Variants in AFF3 observed in about 807,000 individuals in gnomAD.
AFF3 encodes AF4/FMR2 family member 3.
A neutral mutation model predicts 129.7 loss-of-function variants in AFF3; 32 were observed. That is an observed-to-expected ratio of 0.25 (90% CI 0.19 to 0.33). AFF3 has a LOEUF of 0.33. AFF3 is among the 10% of genes least tolerant of loss of function. The pLI is 1.00. For synonymous variants in AFF3, 644 were observed against 635.4 expected (o/e 1.01, Z -0.20); for missense variants, 1,373 against 1,592.0 (o/e 0.86, Z 2.34).
intron 10 of AFF3, among the ~76,000 whole-genome samples, chr2:99,741,007 G>T (rs1007453873): frequency 2.6e-5 from 4 of 152,270 alleles, no homozygotes; most frequent in African/African-American, 9.6e-5. Context: ...TCCAGTTTCA[G>T]CTTTCTACAT....
intron 11 of AFF3, among the ~76,000 whole-genome samples, chr2:99,689,171 T>C (rs1355083112): frequency 6.6e-6 from 1 of 152,174 alleles, no homozygotes; most frequent in African/African-American, 2.4e-5. Context: ...ACTCCTCTCT[T>C]CAGTCCCTTC....
chr2:99,930,732 TA>T (rs1696611640), intron 7 of AFF3, among the ~76,000 whole-genome samples: 1 of 152,214 alleles, frequency 6.6e-6, no homozygotes, highest in Non-Finnish European at 1.5e-5. Flanking sequence ...GGGGCTTTTA[TA>T]TTTCTTTAAA....
Position 99,593,190 on chromosome 2 carries a change from C to A in AFF3, c.2466+5G>T. ...CCCCCGCACCCCAGTCAGCCCCAGG[C>A]CTACCTTGCGTTTCCTCTTGGATTT... On this transcript the variant is annotated splice_donor_5th_base_variant and intron_variant, in intron 15 of 24. Coordinates refer to ENST00000672756, the MANE Select transcript of AFF3 (RefSeq NM_001386135.1). The A allele has an allele frequency of 1.9e-6, 3 of 1,567,038 alleles. No homozygotes were observed. Among genetic ancestry groups the A allele is most frequent in the Non-Finnish European group, 2.6e-6 (3 of 1,154,414 alleles).
intron 8 of AFF3, among the ~76,000 whole-genome samples, chr2:99,766,985 T>A (rs1422061902): frequency 1.3e-5 from 2 of 152,206 alleles, no homozygotes; most frequent in Non-Finnish European, 2.9e-5. Context: ...AATGTTTTTA[T>A]CCCTTGATGT....
At chr2:99,936,998 T>C (rs1298599414) in intron 7 of AFF3, among the ~76,000 whole-genome samples, 1 of 152,176 alleles carries the variant, frequency 6.6e-6, no homozygotes, top group African/African-American at 2.4e-5. Context: ...TCTGAAATGA[T>C]GATTTATGTT....
chr2:99,832,626 T>A (rs1227256302), intron 8 of AFF3, among the ~76,000 whole-genome samples: 11 of 152,210 alleles, frequency 7.2e-5, no homozygotes, highest in African/African-American at 2.2e-4. Flanking sequence ...CTCACAGATA[T>A]AAAATGAGAT....
At chr2:99,567,494 A>G (rs1418690595) in intron 19 of AFF3, among the ~76,000 whole-genome samples, 1 of 152,194 alleles carries the variant, frequency 6.6e-6, no homozygotes, top group Non-Finnish European at 1.5e-5. Context: ...AAAATGAGGC[A>G]TCCAGTGCAA....
intron 8 of AFF3, among the ~76,000 whole-genome samples, chr2:99,785,371 C>T (rs181604650): frequency 1.2e-3 from 180 of 152,334 alleles, no homozygotes; most frequent in African/African-American, 4.2e-3. Flanking sequence ...GAAGTGGCTT[C>T]TACCTGCCTT....
chr2:99,974,409 C>T (rs1678680588), intron 7 of AFF3, among the ~76,000 whole-genome samples: 1 of 152,178 alleles, frequency 6.6e-6, no homozygotes, highest in African/African-American at 2.4e-5. Context: ...AAAGTGAGCA[C>T]AGTGTTGAGC....
intron 7 of AFF3, among the ~76,000 whole-genome samples, chr2:99,878,713 C>A (rs1692477846): frequency 1.3e-5 from 2 of 152,100 alleles, no homozygotes; most frequent in South Asian, 2.1e-4. Context: ...TATCACCAAA[C>A]TCTTGATTTG....
intron 4 of AFF3, among the ~76,000 whole-genome samples, chr2:100,037,366 T>C (rs1226895865): frequency 6.9e-6 from 1 of 145,244 alleles, no homozygotes; most frequent in African/African-American, 2.5e-5. Context: ...AATACACATA[T>C]TTTATACATA....
At chr2:99,928,039 C>T (rs1696397243) in intron 7 of AFF3, among the ~76,000 whole-genome samples, 1 of 152,058 alleles carries the variant, frequency 6.6e-6, no homozygotes, top group South Asian at 2.1e-4. Context: ...CTGCTGCCAT[C>T]CACATAAGAT....
intron 8 of AFF3, among the ~76,000 whole-genome samples, chr2:99,766,989 T>C (rs1482362545): frequency 1.3e-5 from 2 of 152,228 alleles, no homozygotes; most frequent in African/African-American, 2.4e-5. Flanking sequence ...TTTTTATCCC[T>C]TGATGTTCAC....
intron 19 of AFF3, among the ~76,000 whole-genome samples, chr2:99,566,122 T>A (rs184475928): frequency 0.038 from 5,827 of 152,118 alleles, 194 homozygotes; most frequent in Non-Finnish European, 0.055. Context: ...CAATTTTTTT[T>A]AATTTTTTTA....
At position 99,561,327 on chromosome 2, in the gene AFF3, T is replaced by C. The variant is rs1219652068; in HGVS notation, c.3120-891A>G. On this transcript the variant is annotated intron_variant, in intron 20 of 24. Coordinates refer to ENST00000672756, the MANE Select transcript of AFF3 (RefSeq NM_001386135.1). ...AAGAAACATACTGTTATCATCGCAC[T>C]ATCTCCTCAACATGCAGACTTGTAG... is the stretch of plus-strand genomic sequence containing the variant. 6.6e-5 allele frequency among the ~76,000 whole-genome samples: 10 copies of C among 152,372 alleles called. No homozygotes were observed. In the East Asian group the frequency reaches 1.9e-3, roughly 29 times the overall value.
intron 8 of AFF3, among the ~76,000 whole-genome samples, chr2:99,824,634 G>A (rs1452400746): frequency 6.6e-6 from 1 of 152,172 alleles, no homozygotes. Context: ...TGTGTGTATG[G>A]GAGTTATGAT....
intron 11 of AFF3, among the ~76,000 whole-genome samples, chr2:99,684,333 T>C (rs1039423304): frequency 3.3e-5 from 5 of 152,162 alleles, no homozygotes; most frequent in Admixed American, 6.5e-5. Context: ...GGGGACCACA[T>C]TGTACCTGGG....
intron 7 of AFF3, among the ~76,000 whole-genome samples, chr2:99,844,434 C>CTTTTTTTTTTT (rs984233053): frequency 5.4e-5 from 5 of 92,460 alleles, no homozygotes; most frequent in East Asian, 3.5e-4. Flanking sequence ...TTTTTCTTTT[C>CTTTTTTTTTTT]TTTTTTTTTT....
intron 2 of AFF3, among the ~76,000 whole-genome samples, chr2:100,109,670 T>C (rs1279692215): frequency 6.6e-6 from 1 of 152,216 alleles, no homozygotes; most frequent in Non-Finnish European, 1.5e-5. Context: ...TAACTAATCG[T>C]ATCATTAGCA....
Sources: allele counts gnomAD v4.1 joint callset (sites outside exome capture counted in the v4.1 genomes callset), GRCh38; gene constraint gnomAD v4.1.1; transcripts MANE v1.5; gene names NCBI Gene and HGNC (gene_info 2026-07-23, HGNC 2026-07-21).